The following TPM1 variants were observed in gnomAD, a reference collection of about 807,000 sequenced individuals.
The protein encoded by TPM1 is tropomyosin alpha-1 chain.
TPM1 carries 24 observed loss-of-function variants against 42.9 expected under a neutral mutation model. The ratio of observed to expected loss-of-function variants is 0.56; its 90% confidence interval spans 0.41 to 0.79. TPM1 has a LOEUF of 0.79. Ranked by LOEUF, TPM1 falls within the 30% of genes least tolerant of loss-of-function variation. The pLI, the probability that TPM1 is intolerant of heterozygous loss-of-function variation, is 0.00. For synonymous variants in TPM1, 136 were observed against 130.1 expected (o/e 1.05, Z -0.31); for missense variants, 158 against 351.8 (o/e 0.45, Z 4.41).
rs1282032742 is a variant in TPM1, at chr15:63,062,537, A to G, written c.703-39A>G. ...CCCTATGTTTGTAGCTACAGGAAAC[A>G]TAAAACTTCCCAACTTTAACTCAAA... is the stretch of plus-strand genomic sequence containing the variant. On this transcript the variant is annotated intron_variant, in intron 7 of 9. Coordinates refer to ENST00000403994, the MANE Select transcript of TPM1 (RefSeq NM_001018005.2). 4 of 1,611,898 alleles carry G rather than the reference A, an allele frequency of 2.5e-6. No individual in the cohort carries two copies. In the East Asian group the frequency reaches 6.7e-5, roughly 27 times the overall value.
In TPM1 at chr15:63,064,622, A is replaced by G. The variant is rs74021739; in HGVS notation, c.851+480A>G. 3,204 of 1,024,980 alleles carry G rather than the reference A, an allele frequency of 3.1e-3. 79 individuals carry two copies. The African/African-American group carries it at 0.051, about 16-fold the overall frequency. 63.5% of individuals were successfully genotyped at this position (1,024,980 alleles called of 1,614,324 possible). A position where few individuals can be genotyped will look rare whatever the true frequency, so the allele number is the denominator to read the frequency against. On this transcript the variant is annotated intron_variant, in intron 9 of 9. Transcript: ENST00000403994. ...AGGATAAGGAAATTGGCATGATCCA[A>G]TACAGCTTTAACAGTGGTACTACAA...
In TPM1 at chr15:63,065,048, T is replaced by G. The variant is rs960868974; in HGVS notation, c.852-848T>G. ...AATTTTGTGTTTTTATGAAAGGAAT[T>G]AAAATACCCACGATAAATATTTACC... On this transcript the variant is annotated intron_variant, in intron 9 of 9. Transcript: ENST00000403994. 6.1e-6 allele frequency: 6 copies of G among 985,200 alleles called. No individual in the cohort carries two copies. The South Asian group carries it at 2.8e-4, about 46-fold the overall frequency. 61.0% of individuals were successfully genotyped at this position (985,200 alleles called of 1,614,324 possible).
In TPM1 at chr15:63,061,752, G is replaced by A. The variant is rs397516485; in HGVS notation, c.603G>A (p.Thr201=). The A allele has an allele frequency of 7.4e-6, 12 of 1,613,886 alleles. No homozygotes were observed. The highest frequency in any genetic ancestry group is 4.4e-5 in the South Asian group (4 of 91,068). Residue 201 remains threonine (T), a synonymous_variant, in exon 6 of 10, where the codon ACG becomes ACA. Transcript: ENST00000403994. ...TTGAAGAAGAATTGAAAACTGTGAC[G>A]AACAACTTGAAGTCACTGGAGGCTC... ...AELEEELKTV[T]NNLKSLEAQA...
chr15:63,043,012 A>AT (rs1352488205), intron 1 of TPM1, 69 bp downstream of exon 1: 79 of 1,417,206 alleles, frequency 5.6e-5, no homozygotes, highest in East Asian at 5.0e-4. Context: ...CCCCGGCTGG[A>AT]TCCCCACCCC....
At chr15:63,065,167 G>A in intron 9 of TPM1, 1 of 985,538 alleles carries the variant, frequency 1.0e-6, no homozygotes, top group Non-Finnish European at 1.2e-6. Flanking sequence ...GGCAGTAAGA[G>A]TTGGAGTAGG....
intron 3 of TPM1, among the ~76,000 whole-genome samples, chr15:63,058,757 AT>A (rs1442120684): frequency 6.6e-6 from 1 of 152,188 alleles, no homozygotes; most frequent in East Asian, 1.9e-4. Context: ...GCCTACTTAA[AT>A]TTTGATAAAT....
intron 5 of TPM1, chr15:63,061,284 C>T (rs747794731): frequency 6.2e-7 from 1 of 1,613,970 alleles, no homozygotes; most frequent in South Asian, 1.1e-5. Context: ...GTACTGATGG[C>T]TCGTGTGGTT....
chr15:63,059,389 T>C (rs2035276877), intron 3 of TPM1, among the ~76,000 whole-genome samples, 174 bp from the exon 4 acceptor site: 1 of 152,210 alleles, frequency 6.6e-6, no homozygotes, highest in Admixed American at 6.5e-5. Flanking sequence ...ATGTGTCTCT[T>C]TTTTCCACCT....
intron 2 of TPM1, among the ~76,000 whole-genome samples, chr15:63,053,679 T>A (rs2034302204): frequency 1.3e-5 from 1 of 77,380 alleles, no homozygotes; most frequent in South Asian, 5.3e-4. Context: ...TTTGATTTTT[T>A]TTTTTTTTTT....
At chr15:63,054,992 T>C (rs1463787766) in intron 2 of TPM1, among the ~76,000 whole-genome samples, 1 of 151,224 alleles carries the variant, frequency 6.6e-6, no homozygotes, top group Non-Finnish European at 1.5e-5. Context: ...CCCAAAAGTA[T>C]ATCCTTAATA....
chr15:63,048,784 C>A (rs1241033990), intron 2 of TPM1: 1 of 1,458,356 alleles, frequency 6.9e-7, no homozygotes, highest in South Asian at 1.3e-5. Context: ...CCTCCTGCTT[C>A]CCCCCCCGCA....
At chr15:63,071,580 A>G (rs2036606981) in exon 9 of TPM1, 1 of 278,682 alleles carries the variant, frequency 3.6e-6, no homozygotes. Flanking sequence ...TCAACATTGT[A>G]CAATGTAGAA....
intron 2 of TPM1, chr15:63,047,208 G>A (rs1020703013): frequency 2.0e-5 from 3 of 152,314 alleles, no homozygotes; most frequent in East Asian, 1.9e-4. Context: ...GACCCAAGCT[G>A]GGATTTGTGA....
At chr15:63,064,475 G>T (rs74369304) in intron 9 of TPM1, 7 of 1,118,630 alleles carry the variant, frequency 6.3e-6, no homozygotes, top group Non-Finnish European at 7.7e-6. Flanking sequence ...GCCGTTTGTT[G>T]TACAGGAACT....
rs769961987 is a variant in TPM1 at position 63,048,347 on chromosome 15, GGCGCGCGCCCCTCCCAGCC to G, written c.240+4206_240+4224del. On this transcript the variant is annotated intron_variant, in intron 2 of 9. Coordinates refer to ENST00000403994, the MANE Select transcript of TPM1 (RefSeq NM_001018005.2). ...GCCCCCAGCCAGTCCCGGGATCCAC[GGCGCGCGCCCCTCCCAGCC>G]GCGCGCGCCCGCCTGCGGTTTGTCT... The G allele has an allele frequency of 6.9e-5, 82 of 1,181,864 alleles. 1 individual carries two copies. The highest frequency in any genetic ancestry group is 4.0e-4 in the East Asian group (10 of 25,226). The allele number at this position is 1,181,864 out of a possible 1,614,324, so 73.2% of individuals were successfully genotyped here.
chr15:63,063,901 G>C (rs376310733), intron 8 of TPM1, 163 bp from the exon 9 acceptor site: 3 of 861,460 alleles, frequency 3.5e-6, no homozygotes, highest in Non-Finnish European at 5.1e-6. Flanking sequence ...AAAACAAAAC[G>C]CACGCCTCCT....
chr15:63,043,661 C>T, intron 1 of TPM1: 1 of 1,537,290 alleles, frequency 6.5e-7, no homozygotes, highest in East Asian at 2.4e-5. Context: ...GTGTCTAACA[C>T]CCGGTCCGTG....
At chr15:63,070,288 A>ATG (rs151128731), downstream of TPM1, 80 of 879,332 alleles carry the variant, frequency 9.1e-5, no homozygotes, top group African/African-American at 7.6e-4. Flanking sequence ...TACTTTAAGT[A>ATG]TGTATATATA....
At chr15:63,056,622 G>A (rs1212229359) in intron 2 of TPM1, 4 of 313,460 alleles carry the variant, frequency 1.3e-5, no homozygotes, top group East Asian at 8.8e-5. Context: ...AGCTGAGATC[G>A]TGCCACTGCA....
Sources: gnomAD v4.1 joint callset for allele counts (sites outside exome capture counted in the v4.1 genomes callset) on GRCh38, gnomAD v4.1.1 for gene constraint, MANE v1.5 for transcripts, NCBI Gene and HGNC (gene_info 2026-07-23, HGNC 2026-07-21) for gene names.